FGD4: variants seen among roughly 807,000 people sequenced by gnomAD.
The protein encoded by FGD4 is FYVE, RhoGEF and PH domain containing 4.
A neutral mutation model predicts 102.0 loss-of-function variants in FGD4; 42 were observed. The observed-to-expected ratio is 0.41, with a 90% confidence interval of 0.32 to 0.53. The LOEUF is 0.53. Among genes scored for constraint, FGD4 ranks in the 20% least tolerant of loss-of-function variants. The pLI, the probability that FGD4 is intolerant of heterozygous loss-of-function variation, is 0.21. For missense variants in FGD4, 902 were observed against 1,078.2 expected (o/e 0.84, Z 2.29); for synonymous variants, 380 against 375.7 (o/e 1.01, Z -0.13).
chr12:32,564,659 A>G (rs572460847), intron 2 of FGD4, among the ~76,000 whole-genome samples: 1 of 152,364 alleles, frequency 6.6e-6, no homozygotes, highest in East Asian at 1.9e-4. Flanking sequence ...TCTGTAAAAC[A>G]TAATTCTAAA....
intron 2 of FGD4, among the ~76,000 whole-genome samples, chr12:32,565,341 A>C (rs1945102737): frequency 6.6e-6 from 1 of 152,214 alleles, no homozygotes; most frequent in South Asian, 2.1e-4. Context: ...CAGATAATTG[A>C]TGATTCAGAT....
chr12:32,531,184 C>T (rs1038444121), intron 1 of FGD4, among the ~76,000 whole-genome samples: 4 of 151,846 alleles, frequency 2.6e-5, no homozygotes, highest in Non-Finnish European at 5.9e-5. Flanking sequence ...CTCTTGACCT[C>T]ATGATCCGCC....
At position 32,642,322 on chromosome 12, in the gene FGD4, A is replaced by G. The variant is rs920614153; in HGVS notation, c.*1789A>G. 3.3e-5 allele frequency: 5 copies of G among 152,102 alleles called. No homozygotes were observed. The highest frequency in any genetic ancestry group is 1.2e-4 in the African/African-American group (5 of 41,430). 9.4% of individuals were successfully genotyped at this position (152,102 alleles called of 1,614,324 possible). ...CGGGGTATGTGTGTGATGTATACTC[A>G]GAGTGGTTTTTTGGAAAATTAAACT... On this transcript the variant is annotated 3_prime_UTR_variant, in exon 17 of 17. Transcript: ENST00000534526.
intron 1 of FGD4, among the ~76,000 whole-genome samples, chr12:32,419,519 G>C (rs1387483732): frequency 6.6e-6 from 1 of 152,196 alleles, no homozygotes; most frequent in African/African-American, 2.4e-5. Context: ...CGCAGCCACT[G>C]CTGGGGATGG....
In FGD4 at chr12:32,641,798, G is replaced by C. The variant is rs2137104682; in HGVS notation, c.*1265G>C. ...AATCCACATGTGATAACCTATGTTT[G>C]GGGTGGGGGCTGGTCACATGATTCC... On this transcript the variant is annotated 3_prime_UTR_variant, in exon 17 of 17. Transcript: ENST00000534526. 1 of 152,218 alleles carries C rather than the reference G, an allele frequency of 6.6e-6. No individual in the cohort carries two copies. The highest frequency in any genetic ancestry group is 1.9e-4 in the East Asian group (1 of 5,186). 9.4% of individuals were successfully genotyped at this position (152,218 alleles called of 1,614,324 possible). A position where few individuals can be genotyped will look rare whatever the true frequency, so the allele number is the denominator to read the frequency against.
chr12:32,582,456 CATGAG>C lies in FGD4; in HGVS notation c.1005_1009del (p.Met336GlyfsTer3). ...GGAACTGGAGCAGCTGGACCAGCAC[CATGAG>C]ATGAAGGTAGAGCATGAGACTAGCT... On this transcript the variant is annotated frameshift_variant, in exon 4 of 17. Transcript: ENST00000534526. LOFTEE classifies it high-confidence loss of function. 6.2e-7 allele frequency: 1 copy of C among 1,610,572 alleles called. No individual in the cohort carries two copies. The highest frequency in any genetic ancestry group is 2.2e-5 in the East Asian group (1 of 44,872).
chr12:32,467,564 T>C (rs1177150648), intron 1 of FGD4, among the ~76,000 whole-genome samples: 2 of 152,254 alleles, frequency 1.3e-5, no homozygotes, highest in Non-Finnish European at 2.9e-5. Context: ...GGCATAGTTA[T>C]ATTACTGCTC....
Position 32,599,514 on chromosome 12 carries a change from A to C in FGD4, c.1101+928A>C, listed in dbSNP as rs1948199924. ...CGTCTCAAAAAAAAAAAAAAGAATA[A>C]CTTTTGAAAACTAAGGCATCTTTTT... On this transcript the variant is annotated intron_variant, in intron 5 of 16. Coordinates refer to ENST00000534526, the MANE Select transcript of FGD4 (RefSeq NM_001370298.3). Among the ~76,000 whole-genome samples, 2 of 109,434 alleles carry C rather than the reference A, an allele frequency of 1.8e-5. 1 individual carries two copies. The highest frequency in any genetic ancestry group is 3.7e-5 in the Non-Finnish European group (2 of 54,298). 71.8% of individuals were successfully genotyped at this position (109,434 alleles called of 152,430 possible).
intron 2 of FGD4, 94 bp from the exon 3 acceptor site, chr12:32,576,172 T>C: frequency 7.9e-7 from 1 of 1,270,840 alleles, no homozygotes. Flanking sequence ...AATAATTTTA[T>C]AATGCTGAAT....
At position 32,481,127 on chromosome 12, in the gene FGD4, C is replaced by CAAAAAAAAAAAAAAAAAA. The variant is rs1157108520; in HGVS notation, c.166+81181_166+81198dup. On this transcript the variant is annotated intron_variant, in intron 1 of 16. Transcript: ENST00000534526. ...TGGGTGACAGAGTGAGACTCCGTCT[C>CAAAAAAAAAAAAAAAAAA]AAAAAAAAAAAAAAAAAAAAAAAAA... 1.5e-4 allele frequency among the ~76,000 whole-genome samples: 4 copies of CAAAAAAAAAAAAAAAAAA among 27,360 alleles called. 1 individual carries two copies. Among genetic ancestry groups the CAAAAAAAAAAAAAAAAAA allele is most frequent in the East Asian group, 3.8e-3 (2 of 530 alleles). The allele number at this position is 27,360 out of a possible 152,430, so 17.9% of individuals were successfully genotyped here.
intron 4 of FGD4, among the ~76,000 whole-genome samples, chr12:32,595,572 A>G (rs146364463): frequency 6.6e-5 from 10 of 152,328 alleles, no homozygotes; most frequent in Non-Finnish European, 1.3e-4. Flanking sequence ...ATCACTATGA[A>G]CTTGGATTCT....
chr12:32,567,661 G>C (rs1426838549), intron 2 of FGD4, among the ~76,000 whole-genome samples: 1 of 148,412 alleles, frequency 6.7e-6, no homozygotes, highest in Non-Finnish European at 1.5e-5. Context: ...TTGCTAAGAA[G>C]ATTATAGTCA....
intron 10 of FGD4, 69 bp from the exon 11 acceptor site, chr12:32,619,629 C>A: frequency 6.4e-7 from 1 of 1,566,584 alleles, no homozygotes; most frequent in East Asian, 2.2e-5. Context: ...GAGACTCTGT[C>A]TCAAAAAAAA....
intron 4 of FGD4, among the ~76,000 whole-genome samples, chr12:32,585,073 T>C (rs1228521900): frequency 2.6e-5 from 4 of 151,340 alleles, no homozygotes; most frequent in Non-Finnish European, 4.4e-5. Flanking sequence ...ATACAAAAAA[T>C]TAGCTGGTGT....
At chr12:32,578,140 AT>A (rs990078574) in intron 3 of FGD4, among the ~76,000 whole-genome samples, 14 of 151,766 alleles carry the variant, frequency 9.2e-5, no homozygotes, top group Middle Eastern at 3.4e-3. Context: ...ATAATTTATG[AT>A]TTTTTTTTAA....
chr12:32,519,871 C>T (rs1180367534), intron 1 of FGD4, among the ~76,000 whole-genome samples: 2 of 152,106 alleles, frequency 1.3e-5, no homozygotes, highest in African/African-American at 4.8e-5. Flanking sequence ...CACTTGAACC[C>T]AGGAGGCAGA....
chr12:32,467,415 C>A (rs1565757391), intron 1 of FGD4, among the ~76,000 whole-genome samples: 1 of 152,110 alleles, frequency 6.6e-6, no homozygotes, highest in African/African-American at 2.4e-5. Context: ...GCTGCTAACT[C>A]TTCAGAAGAA....
At chr12:32,588,230 T>G (rs73081467) in intron 4 of FGD4, among the ~76,000 whole-genome samples, 15,593 of 152,272 alleles carry the variant, frequency 0.1, 919 homozygotes, top group Middle Eastern at 0.21. Flanking sequence ...TATACTAGTA[T>G]ATAACTTGGT....
chr12:32,580,365 A>G (rs375351402), intron 3 of FGD4, among the ~76,000 whole-genome samples: 1 of 152,186 alleles, frequency 6.6e-6, no homozygotes, highest in Admixed American at 6.5e-5. Flanking sequence ...TATTGTCACA[A>G]TCATCATCAT....
Sources: allele counts gnomAD v4.1 joint callset (sites outside exome capture counted in the v4.1 genomes callset), GRCh38; gene constraint gnomAD v4.1.1; transcripts MANE v1.5; gene names NCBI Gene and HGNC (gene_info 2026-07-23, HGNC 2026-07-21).